Variants in SLC8A1 observed in about 807,000 individuals in gnomAD.
The protein encoded by SLC8A1 is sodium/calcium exchanger 1.
A neutral mutation model predicts 68.3 loss-of-function variants in SLC8A1; 18 were observed. The ratio of observed to expected loss-of-function variants is 0.26; its 90% CI spans 0.18 to 0.39. SLC8A1 has a LOEUF of 0.39. Ranked by LOEUF, SLC8A1 falls within the 10% of genes least tolerant of loss-of-function variation. The probability of loss-of-function intolerance (pLI) is 1.00; values close to 1 mark genes in which losing one functional copy is unlikely to be tolerated. For synonymous variants in SLC8A1, 475 were observed against 415.5 expected (o/e 1.14, Z -1.74); for missense variants, 985 against 1,156.7 (o/e 0.85, Z 2.15).
At chr2:40,208,020 C>G (rs2055823054) in intron 2 of SLC8A1, among the ~76,000 whole-genome samples, 1 of 152,128 alleles carries the variant, frequency 6.6e-6, no homozygotes, top group African/African-American at 2.4e-5. Flanking sequence ...AGAGCTTCCT[C>G]TCTTCTTGTA....
chr2:40,388,028 A>T (rs953645309), intron 2 of SLC8A1, among the ~76,000 whole-genome samples: 5 of 151,676 alleles, frequency 3.3e-5, no homozygotes, highest in African/African-American at 1.2e-4. Context: ...GCTACTTTGT[A>T]TCTCAAATTG....
chr2:40,412,314 T>C (rs1692396114), intron 2 of SLC8A1, among the ~76,000 whole-genome samples: 2 of 152,182 alleles, frequency 1.3e-5, no homozygotes, highest in African/African-American at 2.4e-5. Flanking sequence ...ATATAACTAG[T>C]TTTCATGAAT....
chr2:40,177,724 G>C (rs1302295037), intron 3 of SLC8A1: 2 of 1,347,058 alleles, frequency 1.5e-6, no homozygotes, highest in African/African-American at 1.5e-5. Context: ...ACAATTTCTC[G>C]CTGGTATGTC....
chr2:40,149,971 G>C (rs1011002588), intron 6 of SLC8A1, among the ~76,000 whole-genome samples: 99 of 150,880 alleles, frequency 6.6e-4, no homozygotes, highest in African/African-American at 2.3e-3. Flanking sequence ...TTATGGTGCA[G>C]CAGGAGCCTT....
At chr2:40,327,043 T>C (rs1055874898) in intron 2 of SLC8A1, among the ~76,000 whole-genome samples, 3 of 152,188 alleles carry the variant, frequency 2.0e-5, no homozygotes, top group Non-Finnish European at 2.9e-5. Flanking sequence ...AGTAATACAA[T>C]ATACCTATTT....
exon 8 of SLC8A1, chr2:40,100,229 T>C (rs2033816317): frequency 6.6e-6 from 1 of 152,120 alleles, no homozygotes; most frequent in African/African-American, 2.4e-5. Flanking sequence ...CTTGACAATA[T>C]GTAACTTTTT....
chr2:40,255,370 ACAATGCCACCCAGCT>A (rs2063740619), intron 2 of SLC8A1, among the ~76,000 whole-genome samples: 1 of 152,192 alleles, frequency 6.6e-6, no homozygotes, highest in Non-Finnish European at 1.5e-5. Flanking sequence ...CTAGAAGCTC[ACAATGCCACCCAGCT>A]ATTGGACTAT....
At chr2:40,267,393 T>C (rs1293652485) in intron 2 of SLC8A1, among the ~76,000 whole-genome samples, 3 of 152,200 alleles carry the variant, frequency 2.0e-5, no homozygotes, top group African/African-American at 7.2e-5. Flanking sequence ...ACCAATGTTT[T>C]CATTAATATT....
intron 2 of SLC8A1, among the ~76,000 whole-genome samples, chr2:40,207,753 T>C (rs975221620): frequency 3.9e-5 from 6 of 152,272 alleles, no homozygotes; most frequent in Non-Finnish European, 7.4e-5. Flanking sequence ...TAACGGTGTG[T>C]AGTGCCAGGG....
In SLC8A1 at chr2:40,257,360, G is replaced by A. The variant is rs182973374; in HGVS notation, c.1809-79505C>T. On this transcript the variant is annotated intron_variant, in intron 2 of 7. Transcript: ENST00000406785. ...AGATGGTCCCAAATCAGAGGAAACCGAAGACATGATAATGAAACTCCTGAA... is the reference window on the plus strand; with the variant it reads ...AGATGGTCCCAAATCAGAGGAAACCAAAGACATGATAATGAAACTCCTGAA... 1.5e-4 allele frequency among the ~76,000 whole-genome samples: 22 copies of A among 148,980 alleles called. No individual in the cohort carries two copies. The East Asian group carries it at 3.5e-3, about 24-fold the overall frequency.
At chr2:40,160,639 T>G in intron 6 of SLC8A1, 126 bp downstream of exon 9, 1 of 763,618 alleles carries the variant, frequency 1.3e-6, no homozygotes, top group Non-Finnish European at 2.3e-6. Context: ...ACAAATAAAC[T>G]TATTTCTCCC....
chr2:40,442,832 T>G (rs183883208), intron 1 of SLC8A1, among the ~76,000 whole-genome samples: 1 of 152,196 alleles, frequency 6.6e-6, no homozygotes. Flanking sequence ...ATATTTACAA[T>G]AGCAAAGACT....
chr2:40,140,836 T>A (rs1573042106), intron 6 of SLC8A1, among the ~76,000 whole-genome samples: 1 of 29,260 alleles, frequency 3.4e-5, no homozygotes, highest in Non-Finnish European at 5.3e-5. Context: ...AATTACCTGA[T>A]ATATATATAT....
upstream of SLC8A1, among the ~76,000 whole-genome samples, chr2:40,452,284 T>C (rs773994121): frequency 2.6e-5 from 4 of 151,574 alleles, no homozygotes; most frequent in African/African-American, 4.8e-5. Context: ...TGCGCGCCCC[T>C]TGGGCTCCCC....
intron 1 of SLC8A1, among the ~76,000 whole-genome samples, chr2:40,506,102 T>C (rs1476395795): frequency 9.1e-6 from 1 of 109,942 alleles, no homozygotes; most frequent in East Asian, 2.1e-4. Flanking sequence ...ATTTCATAGA[T>C]CCTTTTTTTT....
chr2:40,449,366 T>A (rs1332120359), intron 1 of SLC8A1, among the ~76,000 whole-genome samples: 1 of 152,202 alleles, frequency 6.6e-6, no homozygotes, highest in Non-Finnish European at 1.5e-5. Flanking sequence ...GAATCATGTG[T>A]TTATTTTGCA....
At chr2:40,312,254 C>T (rs541362733) in intron 2 of SLC8A1, among the ~76,000 whole-genome samples, 10 of 152,200 alleles carry the variant, frequency 6.6e-5, no homozygotes, top group East Asian at 1.9e-4. Context: ...CTTTGAATCA[C>T]CTTCTTTGTT....
upstream of SLC8A1, among the ~76,000 whole-genome samples, chr2:40,456,555 A>T (rs1298651784): frequency 6.6e-6 from 1 of 152,170 alleles, no homozygotes; most frequent in Admixed American, 6.5e-5. Flanking sequence ...GATTTTTCAG[A>T]TCCAGCTGTG....
intron 2 of SLC8A1, among the ~76,000 whole-genome samples, chr2:40,396,631 T>G (rs918679095): frequency 1.3e-5 from 2 of 151,748 alleles, no homozygotes; most frequent in African/African-American, 4.8e-5. Context: ...ACCTTATTAA[T>G]TCATTAAATA....
Sources: gnomAD v4.1 joint callset for allele counts (sites outside exome capture counted in the v4.1 genomes callset) on GRCh38, gnomAD v4.1.1 for gene constraint, MANE v1.5 for transcripts, NCBI Gene and HGNC (gene_info 2026-07-23, HGNC 2026-07-21) for gene names.